NLRP1: variants seen among roughly 807,000 people sequenced by gnomAD.
NLRP1 encodes NACHT, LRR and PYD domains-containing protein 1.
NLRP1 carries 94 observed loss-of-function variants against 136.7 expected under a neutral mutation model. The ratio of observed to expected loss-of-function variants is 0.69; its 90% CI spans 0.58 to 0.82. The LOEUF is 0.82. Among genes scored for constraint, NLRP1 ranks in the 40% least tolerant of loss-of-function variants. NLRP1 has a pLI of 0.00. For synonymous variants in NLRP1, 690 were observed against 725.1 expected, an observed-to-expected ratio of 0.95 and a Z score of 0.78; for missense variants, 1,575 against 1,802.7, an observed-to-expected ratio of 0.87 and a Z score of 2.29.
intron 3 of NLRP1, among the ~76,000 whole-genome samples, chr17:5,579,960 G>A (rs1290230558): frequency 2.6e-5 from 4 of 152,294 alleles, no homozygotes; most frequent in East Asian, 3.9e-4. Context: ...CGGGCCGGGC[G>A]CGGTGGCTCA....
At chr17:5,532,060 T>C (rs1314476976) in intron 11 of NLRP1, among the ~76,000 whole-genome samples, 1 of 152,200 alleles carries the variant, frequency 6.6e-6, no homozygotes, top group East Asian at 1.9e-4. Flanking sequence ...CTGTCCAATA[T>C]GGTGAAACCC....
chr17:5,560,136 C>CT lies in NLRP1; in HGVS notation c.653-94_653-93insA, dbSNP rs1356843445. On this transcript the variant is annotated intron_variant, in intron 3 of 16. Transcript: ENST00000572272. ...ACTGTTTTAGGCACCTACTCCAAGCCACACACTGCGCTGTCTGCAGACACT... is the reference window on the plus strand; with the variant it reads ...ACTGTTTTAGGCACCTACTCCAAGCCTACACACTGCGCTGTCTGCAGACACT... The CT allele has an allele frequency of 8.6e-6, 10 of 1,164,806 alleles. No individual in the cohort carries two copies. The African/African-American group carries it at 1.6e-4, about 18-fold the overall frequency. 72.2% of individuals were successfully genotyped at this position (1,164,806 alleles called of 1,614,324 possible). A position where few individuals can be genotyped will look rare whatever the true frequency, so the allele number is the denominator to read the frequency against.
rs775062733 is a variant in NLRP1, at chr17:5,582,801, C to A, written c.317G>T (p.Gly106Val). ...GGTGGAGGTGGGTTGGCTGGGAGAC[C>A]CCAGGTGGGGTTCACTTGGGCTGTA... is the stretch of plus-strand genomic sequence containing the variant. ...FPYSPSEPHL[G>V]SPSQPTSTAV... is the part of the protein sequence containing the mutation. The change falls in exon 2 of 17, where the codon GGG becomes GTG. Residue 106 changes from glycine (G) to valine (V), a missense_variant. Transcript: ENST00000572272. 2.5e-6 allele frequency: 4 copies of A among 1,613,642 alleles called. No individual in the cohort carries two copies. In the African/African-American group the frequency reaches 5.3e-5, roughly 22 times the overall value.
chr17:5,541,797 G>C lies in NLRP1; in HGVS notation c.2699+60C>G. ...CACCTTCTCTCTGCTCTTACCCTCT[G>C]CCTGCCTCATGGTGGCAGGCAGTTC... On this transcript the variant is annotated intron_variant, in intron 6 of 16. Transcript: ENST00000572272. The surrounding 1 kb of genome is among the most constrained non-coding windows in gnomAD (Gnocchi z 4.2). The C allele has an allele frequency of 6.4e-7, 1 of 1,554,324 alleles. No individual in the cohort carries two copies. The highest frequency in any genetic ancestry group is 8.8e-7 in the Non-Finnish European group (1 of 1,131,242).
In NLRP1 at chr17:5,514,701, A is replaced by G; in HGVS notation, c.*53T>C. The G allele has an allele frequency of 1.3e-6, 2 of 1,596,400 alleles. No homozygotes were observed. The highest frequency in any genetic ancestry group is 2.2e-5 in the East Asian group (1 of 44,522). On this transcript the variant is annotated 3_prime_UTR_variant, in exon 17 of 17. Transcript: ENST00000572272. Reference sequence around the variant, plus strand: ...TTGCAGAGAAAGAAACTGAGACCCAAAGAAGGGTCAGCCAAAGCCAGGACT... The same window carrying G: ...TTGCAGAGAAAGAAACTGAGACCCAGAGAAGGGTCAGCCAAAGCCAGGACT...
Position 5,559,226 on chromosome 17 carries a change from G to A in NLRP1, c.1470C>T (p.Phe490=). The part of the protein sequence containing the change: ...GFSESSRKEY[F]YRYFTDERQA... ...GCCTTTCATCTGTGAAATATCTGTA[G>A]AAATATTCCTTCCTGCTGGACTCAG... Residue 490 remains phenylalanine (F), a synonymous_variant, in exon 4 of 17, where the codon TTC becomes TTT. Transcript: ENST00000572272. 6.2e-7 allele frequency: 1 copy of A among 1,614,180 alleles called. No homozygotes were observed. Among genetic ancestry groups the A allele is most frequent in the Non-Finnish European group, 8.5e-7 (1 of 1,180,036 alleles).
rs192239880 is a variant in NLRP1 at position 5,514,724 on chromosome 17, A to C, written c.*30T>G. The C allele has an allele frequency of 4.7e-5, 75 of 1,608,570 alleles. No homozygotes were observed. In the African/African-American group the frequency reaches 8.5e-4, roughly 18 times the overall value. ...CAAAGAAGGGTCAGCCAAAGCCAGG[A>C]CTCAAGGGTCAAGGGCTGGTGTTGA... On this transcript the variant is annotated 3_prime_UTR_variant, in exon 17 of 17. Transcript: ENST00000572272.
chr17:5,517,357 C>A lies in NLRP1; in HGVS notation c.4057+389G>T, dbSNP rs534699159. Among the ~76,000 whole-genome samples, 10 of 89,540 alleles carry A rather than the reference C, an allele frequency of 1.1e-4. 1 individual carries two copies. The East Asian group carries it at 1.4e-3, about 13-fold the overall frequency. The allele number at this position is 89,540 out of a possible 152,430, so 58.7% of individuals were successfully genotyped here. On this transcript the variant is annotated intron_variant, in intron 15 of 16. Transcript: ENST00000572272. ...TGTGATAGTGCACTCTGCACCCCCC[C>A]CCCTCCCACATACACAGACTTTCTT... is the stretch of plus-strand genomic sequence containing the variant.
Position 5,514,512 on chromosome 17 carries a change from G to C in NLRP1, c.*242C>G. ...CACCAGATGAGGCTCTATGAGGTCTGCAGGGGTCTTGCCAGCTCCAGATGG... is the reference window on the plus strand; with the variant it reads ...CACCAGATGAGGCTCTATGAGGTCTCCAGGGGTCTTGCCAGCTCCAGATGG... On this transcript the variant is annotated 3_prime_UTR_variant, in exon 17 of 17. Coordinates refer to ENST00000572272, the MANE Select transcript of NLRP1 (RefSeq NM_033004.4). The C allele has an allele frequency of 7.3e-7, 1 of 1,379,262 alleles. No individual in the cohort carries two copies. The allele number at this position is 1,379,262 out of a possible 1,614,324, so 85.4% of individuals were successfully genotyped here.
chr17:5,516,157 A>T (rs1401630822), intron 15 of NLRP1, among the ~76,000 whole-genome samples: 2 of 152,182 alleles, frequency 1.3e-5, no homozygotes, highest in Non-Finnish European at 2.9e-5. Context: ...CTCTAAGTTC[A>T]GTGTGATCTC....
In NLRP1 at chr17:5,530,599, C is replaced by T. The variant is rs544917138; in HGVS notation, c.3402G>A (p.Gln1134=). Residue 1134 remains glutamine, a synonymous_variant, in exon 12 of 17, where the codon CAG becomes CAA. Transcript: ENST00000572272. ...GCTGTGGGTTGATCTCACCCAGGAA[C>T]TGGTCCCACACACAGAATTCAATCT... The part of the protein sequence containing the change: ...TVEIEFCVWD[Q]FLGEINPQHS... The T allele has an allele frequency of 6.2e-7, 1 of 1,614,228 alleles. No homozygotes were observed. Among genetic ancestry groups the T allele is most frequent in the Admixed American group, 1.7e-5 (1 of 60,032 alleles).
At chr17:5,511,959 G>T, downstream of NLRP1, 1 of 454,550 alleles carries the variant, frequency 2.2e-6, no homozygotes, top group Non-Finnish European at 4.1e-6. Context: ...TGGCTACAAG[G>T]GAGCCCAGCT....
chr17:5,528,935 ATTGT>A (rs998707534), intron 12 of NLRP1, among the ~76,000 whole-genome samples: 2 of 152,232 alleles, frequency 1.3e-5, no homozygotes, highest in African/African-American at 4.8e-5. Flanking sequence ...TATAACATAA[ATTGT>A]TTATCAAATC....
rs369079341 is a variant in NLRP1 at position 5,533,300 on chromosome 17, T to C, written c.3133+4A>G. 1.3e-6 allele frequency: 2 copies of C among 1,550,102 alleles called. No individual in the cohort carries two copies. The highest frequency in any genetic ancestry group is 2.7e-5 in the African/African-American group (2 of 73,030). ...TGAAAGGGGCCAGGCACCGTGGCTC[T>C]TGCCTGCAATCTCAGCAATTGGGAA... On this transcript the variant is annotated splice_donor_region_variant and intron_variant, in intron 10 of 16. Transcript: ENST00000572272.
Position 5,514,645 on chromosome 17 carries a change from G to A in NLRP1, c.*109C>T, listed in dbSNP as rs200254995. The stretch of plus-strand genomic sequence containing the variant: ...GCATCATCAAAGTTCCATTACTTTA[G>A]TGCTGGAAGGCAAACCAGATGGCAA... On this transcript the variant is annotated 3_prime_UTR_variant, in exon 17 of 17. Transcript: ENST00000572272. 1.1e-4 allele frequency: 174 copies of A among 1,523,254 alleles called. 2 individuals carry two copies. In the South Asian group the frequency reaches 2.1e-3, roughly 19 times the overall value. The allele number at this position is 1,523,254 out of a possible 1,614,324, so 94.4% of individuals were successfully genotyped here.
Position 5,558,639 on chromosome 17 carries a change from A to ATC in NLRP1, c.2055_2056dup (p.Met686ArgfsTer16), listed in dbSNP as rs766726244. The ATC allele has an allele frequency of 1.9e-6, 3 of 1,610,466 alleles. No individual in the cohort carries two copies. Among genetic ancestry groups the ATC allele is most frequent in the Non-Finnish European group, 2.5e-6 (3 of 1,176,918 alleles). On this transcript the variant is annotated frameshift_variant, in exon 4 of 17. Transcript: ENST00000572272. LOFTEE classifies it high-confidence loss of function. ...CAGCCGGCAGTGAAAGATGTTCTCC[A>ATC]TCTCTCTCTCCCCCTCATCACTTAA...
chr17:5,581,768 T>G (rs1905672786), intron 3 of NLRP1, 91 bp downstream of exon 3: 1 of 1,066,938 alleles, frequency 9.4e-7, no homozygotes, highest in Admixed American at 1.7e-5. Flanking sequence ...AACCTCTGCT[T>G]AGCCTGCCAA....
intron 12 of NLRP1, among the ~76,000 whole-genome samples, chr17:5,524,238 C>T (rs954479334): frequency 3.9e-5 from 6 of 152,194 alleles, no homozygotes; most frequent in Admixed American, 6.5e-5. Context: ...TCTTTCTCTG[C>T]GGCAACACCT....
At chr17:5,515,356 A>T in intron 16 of NLRP1, 117 bp downstream of exon 16, 1 of 918,600 alleles carries the variant, frequency 1.1e-6, no homozygotes. Context: ...CCAGGGCCTG[A>T]CTCTTTGTGA....
Sources: allele counts gnomAD v4.1 joint callset (sites outside exome capture counted in the v4.1 genomes callset), GRCh38; gene constraint gnomAD v4.1.1; non-coding constraint Gnocchi (gnomAD v3.1); transcripts MANE v1.5; gene names NCBI Gene and HGNC (gene_info 2026-07-23, HGNC 2026-07-21).